NCKAP1: variants seen among roughly 807,000 people sequenced by gnomAD.
NCKAP1 encodes the protein NCK associated protein 1.
Under a neutral mutation model 151.2 loss-of-function variants are expected in NCKAP1, and 21 were observed. The ratio of observed to expected loss-of-function variants is 0.14; its 90% CI spans 0.10 to 0.20. The LOEUF is 0.20. NCKAP1 is among the 10% of genes least tolerant of loss of function. The pLI is 1.00. For synonymous variants in NCKAP1, 484 were observed against 451.8 expected (o/e 1.07, Z -0.90); for missense variants, 933 against 1,352.1 (o/e 0.69, Z 4.86).
chr2:182,998,220 C>T (rs114570623), intron 6 of NCKAP1, among the ~76,000 whole-genome samples: 3,716 of 152,138 alleles, frequency 0.024, 67 homozygotes, highest in Non-Finnish European at 0.038. Context: ...AGCCAATATA[C>T]GGAATGGGCA....
rs984666375 is a variant in NCKAP1, at chr2:182,921,001, A to G, written c.*4701T>C. The G allele has an allele frequency of 6.6e-6, 1 of 152,224 alleles. No individual in the cohort carries two copies. The highest frequency in any genetic ancestry group is 2.4e-5 in the African/African-American group (1 of 41,462). The allele number at this position is 152,224 out of a possible 1,614,324, so 9.4% of individuals were successfully genotyped here. On this transcript the variant is annotated 3_prime_UTR_variant, in exon 31 of 31. Coordinates refer to ENST00000361354, the MANE Select transcript of NCKAP1 (RefSeq NM_013436.5). ...TAGTGCACAGTTTTAGTCTGTGAGCACGCTTCAGTGAAATTATATCACCAC... is the reference window on the plus strand; with the variant it reads ...TAGTGCACAGTTTTAGTCTGTGAGCGCGCTTCAGTGAAATTATATCACCAC...
At chr2:183,032,419 C>G (rs760172618) in intron 1 of NCKAP1, among the ~76,000 whole-genome samples, 2 of 152,120 alleles carry the variant, frequency 1.3e-5, no homozygotes, top group African/African-American at 4.8e-5. Flanking sequence ...AACATCAGAG[C>G]GTACTTACAT....
intron 13 of NCKAP1, among the ~76,000 whole-genome samples, chr2:182,980,278 T>C (rs1463645420): frequency 6.6e-6 from 1 of 152,028 alleles, no homozygotes; most frequent in Non-Finnish European, 1.5e-5. Context: ...TTTAGAATAC[T>C]AGCTTGTAAC....
chr2:182,959,950 G>A (rs1192738792), intron 18 of NCKAP1, among the ~76,000 whole-genome samples: 1 of 151,950 alleles, frequency 6.6e-6, no homozygotes, highest in African/African-American at 2.4e-5. Context: ...AACAGACAGA[G>A]AGCCAAATCA....
chr2:182,927,586 C>T (rs1696674037), intron 29 of NCKAP1, among the ~76,000 whole-genome samples: 1 of 151,744 alleles, frequency 6.6e-6, no homozygotes, highest in Non-Finnish European at 1.5e-5. Context: ...AACTAAAAAC[C>T]ATGTTTCATG....
chr2:183,014,999 A>G (rs1698657053), intron 2 of NCKAP1, among the ~76,000 whole-genome samples: 1 of 152,236 alleles, frequency 6.6e-6, no homozygotes. Context: ...TTTGAAGAGT[A>G]TGGAAAAATG....
At chr2:182,963,184 A>G (rs902917691) in intron 17 of NCKAP1, among the ~76,000 whole-genome samples, 1 of 152,086 alleles carries the variant, frequency 6.6e-6, no homozygotes, top group Admixed American at 6.6e-5. Context: ...TTTAATAGAA[A>G]GTCAAATCAA....
At chr2:183,022,279 G>T (rs1698810688) in intron 2 of NCKAP1, among the ~76,000 whole-genome samples, 1 of 152,096 alleles carries the variant, frequency 6.6e-6, no homozygotes, top group Non-Finnish European at 1.5e-5. Context: ...GTAAGAAAAA[G>T]AAGTGTATAT....
rs575501379 is a variant in NCKAP1, at chr2:182,948,357, T to C, written c.2601+4048A>G. Among the ~76,000 whole-genome samples, 28 of 152,238 alleles carry C rather than the reference T, an allele frequency of 1.8e-4. 1 individual carries two copies. The highest frequency in any genetic ancestry group is 6.5e-4 in the African/African-American group (27 of 41,572). On this transcript the variant is annotated intron_variant, in intron 23 of 30. Coordinates refer to ENST00000361354, the MANE Select transcript of NCKAP1 (RefSeq NM_013436.5). ...TTCAAGAAAAAATGTTTTAACATCC[T>C]TAACCATCTTGGTTAAGGATATTTA...
At chr2:182,971,319 G>A (rs868810718) in intron 15 of NCKAP1, among the ~76,000 whole-genome samples, 33 of 148,106 alleles carry the variant, frequency 2.2e-4, no homozygotes, top group Middle Eastern at 3.2e-3. Flanking sequence ...GCGTGAACCC[G>A]GGAGGCGGAG....
At position 182,960,809 on chromosome 2, in the gene NCKAP1, G is replaced by C. The variant is rs148088932; in HGVS notation, c.1881+1350C>G. On this transcript the variant is annotated intron_variant, in intron 18 of 30. Coordinates refer to ENST00000361354, the MANE Select transcript of NCKAP1 (RefSeq NM_013436.5). ...AGTGAACAGGCAACCTAAAGAATGG[G>C]AGAAAATTTTTACAATCTACTCATC... 6.7e-3 allele frequency among the ~76,000 whole-genome samples: 1,013 copies of C among 152,172 alleles called. 8 individuals carry two copies. The highest frequency in any genetic ancestry group is 0.022 in the African/African-American group (933 of 41,528).
At position 182,915,611 on chromosome 2, in the gene NCKAP1, C is replaced by G. The variant is rs1399955685; in HGVS notation, c.*10091G>C. ...GAGACTAGATGAGGAGTTACACTGA[C>G]AGGATAAAATTTCAAGGCTTGCTAA... On this transcript the variant is annotated 3_prime_UTR_variant, in exon 31 of 31. Coordinates refer to ENST00000361354, the MANE Select transcript of NCKAP1 (RefSeq NM_013436.5). The G allele has an allele frequency of 1.3e-5, 2 of 152,184 alleles. No homozygotes were observed. The highest frequency in any genetic ancestry group is 2.1e-4 in the South Asian group (1 of 4,824). The allele number at this position is 152,184 out of a possible 1,614,324, so 9.4% of individuals were successfully genotyped here. A position where few individuals can be genotyped will look rare whatever the true frequency, so the allele number is the denominator to read the frequency against.
intron 15 of NCKAP1, among the ~76,000 whole-genome samples, chr2:182,974,951 T>G (rs1424583883): frequency 6.6e-6 from 1 of 152,204 alleles, no homozygotes; most frequent in Non-Finnish European, 1.5e-5. Flanking sequence ...TTGCAGTGAC[T>G]GAAAAAGGCT....
rs146379127 is a variant in NCKAP1 at position 182,962,339 on chromosome 2, G to T, written c.1762-61C>A. On this transcript the variant is annotated intron_variant, in intron 17 of 30. Transcript: ENST00000361354. ...TAAAGAAAGTACGTTGAATTAAAAA[G>T]ACTTCTAAATAGACATGGAAAATTA... is the stretch of plus-strand genomic sequence containing the variant. 1,393 of 1,439,442 alleles carry T rather than the reference G, an allele frequency of 9.7e-4. 14 individuals are homozygous for T. In the African/African-American group the frequency reaches 0.017, roughly 18 times the overall value. The allele number at this position is 1,439,442 out of a possible 1,614,324, so 89.2% of individuals were successfully genotyped here. A position where few individuals can be genotyped will look rare whatever the true frequency, so the allele number is the denominator to read the frequency against.
rs1334409523 is a variant in NCKAP1, at chr2:182,953,135, T to C, written c.2350A>G (p.Ile784Val). 1.2e-5 allele frequency: 20 copies of C among 1,611,892 alleles called. No homozygotes were observed. Among genetic ancestry groups the C allele is most frequent in the Non-Finnish European group, 1.6e-5 (19 of 1,178,884 alleles). Residue 784 changes from isoleucine to valine, a missense_variant, in exon 21 of 31, where the codon ATT becomes GTT. Ile to Val is a conservative substitution (Grantham distance 29, BLOSUM62 3). Transcript: ENST00000361354. ...TACCAATTTGTGTATAGACTTGTAA[T>C]GGTTGGCTCTCCATGACTGTCTAAA... ...QHLDSHGEPT[I>V]TSLYTNWYLE...
At chr2:183,013,709 C>A (rs1197531165) in intron 2 of NCKAP1, among the ~76,000 whole-genome samples, 1 of 152,188 alleles carries the variant, frequency 6.6e-6, no homozygotes, top group Admixed American at 6.5e-5. Context: ...TCTCAACACA[C>A]TCAGGGTAAT....
At chr2:182,988,906 G>T in intron 9 of NCKAP1, 124 bp downstream of exon 9, 1 of 706,832 alleles carries the variant, frequency 1.4e-6, no homozygotes, top group Non-Finnish European at 2.2e-6. Flanking sequence ...TGGGATCCAA[G>T]TCAGATGGTA....
chr2:182,925,460 A>G lies in NCKAP1; in HGVS notation c.*242T>C, dbSNP rs1028975960. On this transcript the variant is annotated 3_prime_UTR_variant, in exon 31 of 31. Transcript: ENST00000361354. ...ACATGTTGATAATGTATGTTTTTCA[A>G]ATAAATGATACTTTAAAATTATAGG... 3 of 247,528 alleles carry G rather than the reference A, an allele frequency of 1.2e-5. No homozygotes were observed. The highest frequency in any genetic ancestry group is 6.7e-5 in the African/African-American group (3 of 44,684). The allele number at this position is 247,528 out of a possible 1,614,324, so 15.3% of individuals were successfully genotyped here. A position where few individuals can be genotyped will look rare whatever the true frequency, so the allele number is the denominator to read the frequency against.
At chr2:183,018,774 G>A (rs1016539697) in intron 2 of NCKAP1, among the ~76,000 whole-genome samples, 1 of 152,220 alleles carries the variant, frequency 6.6e-6, no homozygotes, top group African/African-American at 2.4e-5. Context: ...ATGTTAGAGT[G>A]TATCAAATAG....
Sources: allele counts gnomAD v4.1 joint callset (sites outside exome capture counted in the v4.1 genomes callset), GRCh38; gene constraint gnomAD v4.1.1; transcripts MANE v1.5; gene names NCBI Gene and HGNC (gene_info 2026-07-23, HGNC 2026-07-21).